SLC17A2: variants seen among roughly 807,000 people sequenced by gnomAD.
SLC17A2 encodes the protein solute carrier family 17 member 2, also known as sodium-dependent phosphate transport protein 3.
SLC17A2 carries 38 observed loss-of-function variants against 52.1 expected under a neutral mutation model. The observed-to-expected ratio is 0.73, with a 90% confidence interval of 0.56 to 0.96. The LOEUF (loss-of-function observed/expected upper bound fraction) is 0.96, where lower values mean the gene tolerates loss of function less well. Among genes scored for constraint, SLC17A2 ranks in the 40% least tolerant of loss-of-function variants. The pLI, the probability that SLC17A2 is intolerant of heterozygous loss-of-function variation, is 0.00. For synonymous variants in SLC17A2, 226 were observed against 211.9 expected (o/e 1.07, Z -0.58); for missense variants, 508 against 583.9 (o/e 0.87, Z 1.34).
intron 11 of SLC17A2, 148 bp downstream of exon 11, chr6:25,914,432 C>T (rs1233855219): frequency 1.6e-6 from 1 of 618,918 alleles, no homozygotes; most frequent in East Asian, 2.8e-5. Flanking sequence ...TTTTCTTCCT[C>T]TGGGAAATCT....
At chr6:25,922,477 G>A (rs1766596706) in intron 3 of SLC17A2, among the ~76,000 whole-genome samples, 1 of 152,158 alleles carries the variant, frequency 6.6e-6, no homozygotes, top group South Asian at 2.1e-4. Context: ...TGAGAAGCAG[G>A]CCCAAATTCT....
At chr6:25,921,588 TAGA>T (rs59539026) in intron 3 of SLC17A2, among the ~76,000 whole-genome samples, 176 bp from the exon 4 acceptor site, 52,864 of 151,710 alleles carry the variant, frequency 0.35, 10,300 homozygotes, top group East Asian at 0.7. Context: ...CTTGTCTTAG[TAGA>T]AGGAGAGAAA....
chr6:25,913,592 T>G, intron 11 of SLC17A2, 141 bp from the exon 12 acceptor site: 1 of 786,046 alleles, frequency 1.3e-6, no homozygotes, highest in Non-Finnish European at 2.0e-6. Flanking sequence ...AGAAAGTTTA[T>G]GAAACTATTG....
rs766813927 is a variant in SLC17A2, at chr6:25,916,961, C to T, written c.768+8G>A. ...GCATGGGCCACAGGTACAAGGTGTGCACTGTACCTGTTGAGCCAGTGAGGA... is the reference window on the plus strand; with the variant it reads ...GCATGGGCCACAGGTACAAGGTGTGTACTGTACCTGTTGAGCCAGTGAGGA... On this transcript the variant is annotated splice_region_variant and intron_variant, in intron 7 of 11. Coordinates refer to ENST00000377850, the MANE Select transcript of SLC17A2 (RefSeq NM_001286123.3). The T allele has an allele frequency of 5.0e-6, 8 of 1,611,262 alleles. 1 individual carries two copies. In the South Asian group the frequency reaches 8.8e-5, roughly 18 times the overall value.
At chr6:25,921,439 G>T in intron 3 of SLC17A2, 27 bp from the exon 4 acceptor site, 1 of 1,505,794 alleles carries the variant, frequency 6.6e-7, no homozygotes, top group Non-Finnish European at 9.2e-7. Context: ...AAAACTCTTT[G>T]TCAAGAAGTC....
At chr6:25,929,741 G>C (rs1766886581) in intron 1 of SLC17A2, among the ~76,000 whole-genome samples, 1 of 152,112 alleles carries the variant, frequency 6.6e-6, no homozygotes, top group Non-Finnish European at 1.5e-5. Context: ...ATCTCTACAA[G>C]CGTACAATTT....
At chr6:25,919,648 C>A (rs534515970) in intron 5 of SLC17A2, among the ~76,000 whole-genome samples, 30 of 126,446 alleles carry the variant, frequency 2.4e-4, no homozygotes, top group African/African-American at 9.4e-4. Flanking sequence ...TGCAGTGAGC[C>A]GAGATAGCGC....
intron 10 of SLC17A2, among the ~76,000 whole-genome samples, chr6:25,915,168 T>TAG (rs1766257733): frequency 7.8e-6 from 1 of 128,446 alleles, no homozygotes; most frequent in Non-Finnish European, 1.6e-5. Context: ...TATATATATA[T>TAG]ATATATATAT....
rs766352177 is a variant in SLC17A2, at chr6:25,919,699, C to CAAAAA, written c.563-1131_563-1127dup. The stretch of plus-strand genomic sequence containing the variant: ...TGGGCGAAAGAGTGAGACACCGTCT[C>CAAAAA]AAAAAAAAAAAAAAAAAAAAAAAAA... On this transcript the variant is annotated intron_variant, in intron 5 of 11. Coordinates refer to ENST00000377850, the MANE Select transcript of SLC17A2 (RefSeq NM_001286123.3). Among the ~76,000 whole-genome samples the CAAAAA allele has an allele frequency of 2.9e-4, 9 of 31,150 alleles. 1 individual carries two copies. In the East Asian group the frequency reaches 5.5e-3, roughly 19 times the overall value. The allele number at this position is 31,150 out of a possible 152,430, so 20.4% of individuals were successfully genotyped here.
In SLC17A2 at chr6:25,923,747, A is replaced by G; in HGVS notation, c.188T>C (p.Val63Ala). The G allele has an allele frequency of 1.2e-6, 2 of 1,614,228 alleles. No individual in the cohort carries two copies. Among genetic ancestry groups the G allele is most frequent in the Non-Finnish European group, 1.7e-6 (2 of 1,180,038 alleles). Residue 63 changes from valine (V) to alanine (A), a missense_variant, in exon 3 of 12, where the codon GTT becomes GCT. Physicochemically the swap from Val to Ala is moderately conservative, Grantham distance 64. Transcript: ENST00000377850. ...GCTGGAGTTATTGAAGGCATCTGCA[A>G]CAGGCCCCTCAGTGGAGGCATTAGA... is the stretch of plus-strand genomic sequence containing the variant. ...GLSNASTEGPVADAFNNSSIS... is the reference protein window; with the variant it reads ...GLSNASTEGPAADAFNNSSIS...
chr6:25,913,780 T>TTTTTTTG lies in SLC17A2; in HGVS notation c.1303-330_1303-329insCAAAAAA, dbSNP rs1554137624. ...TGTGTTTGTGTCTTCTCTGTTTTTT[T>TTTTTTTG]TTGTTGTTGTTGTTGCTGTTTGTTT... On this transcript the variant is annotated intron_variant, in intron 11 of 11. Transcript: ENST00000377850. Among the ~76,000 whole-genome samples the TTTTTTTG allele has an allele frequency of 2.0e-3, 303 of 149,576 alleles. 1 individual carries two copies. The highest frequency in any genetic ancestry group is 5.7e-3 in the Admixed American group (86 of 15,062).
chr6:25,917,608 T>TA (rs1246348785), intron 6 of SLC17A2, among the ~76,000 whole-genome samples: 14 of 152,202 alleles, frequency 9.2e-5, no homozygotes, highest in Non-Finnish European at 1.9e-4. Flanking sequence ...AATACCTGGT[T>TA]AACATGTACA....
chr6:25,930,098 G>T (rs3884392), intron 1 of SLC17A2, among the ~76,000 whole-genome samples, 179 bp downstream of exon 1: 20,701 of 152,198 alleles, frequency 0.14, 1,795 homozygotes, highest in South Asian at 0.21. Flanking sequence ...GATTACAGGC[G>T]TGAGCCACCA....
chr6:25,922,837 G>C (rs1766607129), intron 3 of SLC17A2, among the ~76,000 whole-genome samples: 1 of 152,050 alleles, frequency 6.6e-6, no homozygotes, highest in African/African-American at 2.4e-5. Context: ...GTTATAACTG[G>C]TTCAAAGGAA....
intron 1 of SLC17A2, 133 bp from the exon 2 acceptor site, chr6:25,926,012 A>ATGCT (rs750177393): frequency 7.6e-5 from 46 of 607,470 alleles, no homozygotes; most frequent in Admixed American, 2.2e-4. Flanking sequence ...CACTACTGGT[A>ATGCT]TGCTTTTGGT....
Position 25,915,778 on chromosome 6 carries a change from G to A in SLC17A2, c.1021C>T (p.Leu341Phe). 6.2e-7 allele frequency: 1 copy of A among 1,614,164 alleles called. No individual in the cohort carries two copies. Among genetic ancestry groups the A allele is most frequent in the Non-Finnish European group, 8.5e-7 (1 of 1,180,024 alleles). Residue 341 changes from leucine to phenylalanine, a missense_variant, in exon 9 of 12, where the codon CTT becomes TTT. Leu to Phe is a conservative substitution (Grantham distance 22). Coordinates refer to ENST00000377850, the MANE Select transcript of SLC17A2 (RefSeq NM_001286123.3). ...TTTCGCACAGTGATCAATCTGAGAAGATTCCTGGACAAAAGGAAATCTGCC... is the reference window on the plus strand; with the variant it reads ...TTTCGCACAGTGATCAATCTGAGAAAATTCCTGGACAAAAGGAAATCTGCC... ...QLADFLLSRN[L>F]LRLITVRKLF...
At position 25,921,073 on chromosome 6, in the gene SLC17A2, C is replaced by T. The variant is rs1425635125; in HGVS notation, c.495G>A (p.Gln165=). 1.2e-6 allele frequency: 2 copies of T among 1,614,210 alleles called. No homozygotes were observed. Among genetic ancestry groups the T allele is most frequent in the East Asian group, 2.2e-5 (1 of 44,886 alleles). Residue 165 remains glutamine (Q), a synonymous_variant, in exon 5 of 12, where the codon CAG becomes CAA. Coordinates refer to ENST00000377850, the MANE Select transcript of SLC17A2 (RefSeq NM_001286123.3). ...GAGCCCACTTTGCCCAAATAGTAAACTGACCTGTCCATGCCATTCCCTGAA... is the reference window on the plus strand; with the variant it reads ...GAGCCCACTTTGCCCAAATAGTAAATTGACCTGTCCATGCCATTCCCTGAA... ...GMAQGMAWTG[Q]FTIWAKWAPP... is the part of the protein sequence containing the mutation.
rs2151543612 is a variant in SLC17A2, at chr6:25,915,770, T to C, written c.1029A>G (p.Arg343=). The C allele has an allele frequency of 1.2e-6, 2 of 1,614,202 alleles. No homozygotes were observed. Among genetic ancestry groups the C allele is most frequent in the East Asian group, 4.5e-5 (2 of 44,886 alleles). ...AAAAGAGCTTTCGCACAGTGATCAATCTGAGAAGATTCCTGGACAAAAGGA... is the reference window on the plus strand; with the variant it reads ...AAAAGAGCTTTCGCACAGTGATCAACCTGAGAAGATTCCTGGACAAAAGGA... ...ADFLLSRNLL[R]LITVRKLFSS... The change falls in exon 9 of 12, where the codon AGA becomes AGG. Residue 343 remains arginine (R), a synonymous_variant. Coordinates refer to ENST00000377850, the MANE Select transcript of SLC17A2 (RefSeq NM_001286123.3).
At chr6:25,914,467 G>A (rs1288194283) in intron 11 of SLC17A2, 113 bp downstream of exon 11, 1 of 695,360 alleles carries the variant, frequency 1.4e-6, no homozygotes, top group Non-Finnish European at 2.6e-6. Context: ...TGATTTAGAG[G>A]CTCATGTAAA....
Sources: allele counts gnomAD v4.1 joint callset (sites outside exome capture counted in the v4.1 genomes callset), GRCh38; gene constraint gnomAD v4.1.1; transcripts MANE v1.5; gene names NCBI Gene and HGNC (gene_info 2026-07-23, HGNC 2026-07-21).